The following LPP variants were observed in gnomAD, a reference collection of about 807,000 sequenced individuals.
The protein encoded by LPP is lipoma-preferred partner.
In LPP, 38 loss-of-function variants were observed where a neutral mutation model predicts 60.4. The ratio of observed to expected loss-of-function variants is 0.63; its 90% CI spans 0.49 to 0.83. The LOEUF is 0.83. Ranked by LOEUF, LPP falls within the 40% of genes least tolerant of loss-of-function variation. The pLI, the probability that LPP is intolerant of heterozygous loss-of-function variation, is 0.00. For synonymous variants in LPP, 328 were observed against 290.8 expected (o/e 1.13, Z -1.30); for missense variants, 902 against 783.6 (o/e 1.15, Z -1.80).
chr3:188,843,575 C>G (rs1295601113), intron 9 of LPP, among the ~76,000 whole-genome samples: 1 of 151,432 alleles, frequency 6.6e-6, no homozygotes, highest in Non-Finnish European at 1.5e-5. Context: ...ATCACGAGGT[C>G]AGGAGATCGA....
At chr3:188,506,896 C>T (rs1363784642) in intron 5 of LPP, among the ~76,000 whole-genome samples, 1 of 152,126 alleles carries the variant, frequency 6.6e-6, no homozygotes, top group Non-Finnish European at 1.5e-5. Flanking sequence ...CTCCCGGGTT[C>T]ACGCCATTCT....
chr3:188,306,197 C>T (rs1028801756), intron 2 of LPP, among the ~76,000 whole-genome samples: 1 of 152,130 alleles, frequency 6.6e-6, no homozygotes. Flanking sequence ...TCTCCTGCCT[C>T]AGCCTCCCAA....
intron 2 of LPP, among the ~76,000 whole-genome samples, chr3:188,286,792 A>G (rs1744072774): frequency 6.6e-6 from 1 of 152,220 alleles, no homozygotes; most frequent in South Asian, 2.1e-4. Flanking sequence ...GAGGATATAT[A>G]TTTCAAATAT....
At chr3:188,603,783 G>A (rs2151263225) in intron 6 of LPP, among the ~76,000 whole-genome samples, 1 of 152,154 alleles carries the variant, frequency 6.6e-6, no homozygotes, top group African/African-American at 2.4e-5. Flanking sequence ...AAATATAATT[G>A]AAATGGAAAT....
intron 2 of LPP, among the ~76,000 whole-genome samples, chr3:188,304,335 T>C (rs1039398767): frequency 2.6e-5 from 4 of 152,130 alleles, no homozygotes; most frequent in Non-Finnish European, 2.9e-5. Context: ...TTTTTAATAA[T>C]GGGGGGAAAT....
At chr3:188,657,269 T>TATATATATATATAC (rs1380063045) in intron 7 of LPP, among the ~76,000 whole-genome samples, 10 of 143,604 alleles carry the variant, frequency 7.0e-5, no homozygotes, top group African/African-American at 2.5e-4. Flanking sequence ...TATATATATA[T>TATATATATATATAC]ATATATATAT....
At chr3:188,635,511 G>C (rs1388204185) in intron 7 of LPP, among the ~76,000 whole-genome samples, 1 of 152,164 alleles carries the variant, frequency 6.6e-6, no homozygotes. Flanking sequence ...CGAACCATGT[G>C]AGAAATGAAC....
At chr3:188,660,407 G>A (rs568429407) in intron 7 of LPP, among the ~76,000 whole-genome samples, 1 of 152,156 alleles carries the variant, frequency 6.6e-6, no homozygotes, top group South Asian at 2.1e-4. Context: ...TGTAATATTT[G>A]TGTGTTCATT....
intron 1 of LPP, among the ~76,000 whole-genome samples, chr3:188,184,118 C>T (rs945380919): frequency 5.3e-5 from 8 of 152,188 alleles, no homozygotes; most frequent in East Asian, 1.9e-4. Context: ...TCTAATTCAT[C>T]GGGGCTTCCA....
At chr3:188,803,534 A>G (rs982016245) in intron 9 of LPP, among the ~76,000 whole-genome samples, 1 of 152,196 alleles carries the variant, frequency 6.6e-6, no homozygotes, top group Non-Finnish European at 1.5e-5. Flanking sequence ...CCCCATAGGG[A>G]TGTCCAATTG....
intron 3 of LPP, among the ~76,000 whole-genome samples, chr3:188,368,719 C>CACACACACACACAG (rs1257085181): frequency 1.0e-5 from 1 of 99,522 alleles, no homozygotes; most frequent in African/African-American, 3.2e-5. Context: ...CACACACACA[C>CACACACACACACAG]AGAGAGAGAG....
In LPP at chr3:188,349,711, G is replaced by A. The variant is rs766827612; in HGVS notation, c.-10+7992G>A. On this transcript the variant is annotated intron_variant, in intron 3 of 11. Transcript: ENST00000617246. ...CTGCCCCATGGATGGCACGTATGGA[G>A]ACTTTGTCTATACAACATTTTACCA... Among the ~76,000 whole-genome samples the A allele has an allele frequency of 4.1e-4, 63 of 152,192 alleles. 1 individual carries two copies. Among genetic ancestry groups the A allele is most frequent in the Non-Finnish European group, 8.5e-4 (58 of 68,036 alleles).
At chr3:188,213,921 T>G (rs879331388) in intron 1 of LPP, among the ~76,000 whole-genome samples, 1 of 150,192 alleles carries the variant, frequency 6.7e-6, no homozygotes, top group African/African-American at 2.4e-5. Context: ...TGGAATATTA[T>G]GCCCATTCAA....
At chr3:188,502,493 G>C (rs1273993998) in intron 5 of LPP, among the ~76,000 whole-genome samples, 1 of 151,982 alleles carries the variant, frequency 6.6e-6, no homozygotes, top group Non-Finnish European at 1.5e-5. Context: ...TAAACTGTTT[G>C]TGTCTTTGGA....
intron 10 of LPP, among the ~76,000 whole-genome samples, chr3:188,871,947 A>G (rs1368481898): frequency 6.6e-6 from 1 of 152,206 alleles, no homozygotes; most frequent in Non-Finnish European, 1.5e-5. Flanking sequence ...GTGTGTTAGT[A>G]TACACTCACC....
rs142788878 is a variant in LPP, at chr3:188,716,580, A to G, written c.1240+8187A>G. On this transcript the variant is annotated intron_variant, in intron 8 of 11. Transcript: ENST00000617246. ...GGAGAGAGGAAAACCTAGAGCCCTCATTGCTGTTGAAAGACTATCATGTGG... is the reference window on the plus strand; with the variant it reads ...GGAGAGAGGAAAACCTAGAGCCCTCGTTGCTGTTGAAAGACTATCATGTGG... Among the ~76,000 whole-genome samples the G allele has an allele frequency of 6.2e-4, 95 of 152,362 alleles. 1 individual carries two copies. Among genetic ancestry groups the G allele is most frequent in the Non-Finnish European group, 1.2e-3 (79 of 68,034 alleles).
chr3:188,769,591 A>G (rs115815210), intron 9 of LPP, among the ~76,000 whole-genome samples: 1,607 of 152,302 alleles, frequency 0.011, 31 homozygotes, highest in African/African-American at 0.037. Flanking sequence ...AACCTTAGAA[A>G]TTCAATAATG....
intron 3 of LPP, among the ~76,000 whole-genome samples, chr3:188,387,858 C>T (rs1332577957): frequency 6.6e-6 from 1 of 152,074 alleles, no homozygotes; most frequent in African/African-American, 2.4e-5. Flanking sequence ...AGCCACCCTG[C>T]CCGGCCCAGA....
At chr3:188,443,962 A>G (rs1794643028) in intron 4 of LPP, among the ~76,000 whole-genome samples, 1 of 152,210 alleles carries the variant, frequency 6.6e-6, no homozygotes, top group Non-Finnish European at 1.5e-5. Context: ...TTTTGTTAGC[A>G]TGTGTATAAA....
Sources: gnomAD v4.1 joint callset for allele counts (sites outside exome capture counted in the v4.1 genomes callset) on GRCh38, gnomAD v4.1.1 for gene constraint, MANE v1.5 for transcripts, NCBI Gene and HGNC (gene_info 2026-07-23, HGNC 2026-07-21) for gene names.